AOPEP: variants seen among roughly 807,000 people sequenced by gnomAD.
AOPEP encodes aminopeptidase O (putative), also known as aminopeptidase O.
AOPEP carries 77 observed loss-of-function variants against 98.1 expected under a neutral mutation model. The observed-to-expected ratio is 0.78, with a 90% CI of 0.65 to 0.95. The LOEUF (loss-of-function observed/expected upper bound fraction) is 0.95. AOPEP is among the 40% of genes least tolerant of loss of function. AOPEP has a pLI of 0.00. For synonymous variants in AOPEP, 346 were observed against 365.3 expected (o/e 0.95, Z 0.60); for missense variants, 1,024 against 1,024.7 (o/e 1.00, Z 0.01).
At chr9:94,783,532 T>C (rs356143) in intron 3 of AOPEP, among the ~76,000 whole-genome samples, 33,202 of 151,988 alleles carry the variant, frequency 0.22, 5,106 homozygotes, top group African/African-American at 0.43. Context: ...CTTAGAAAAC[T>C]GGAAGGTGTA....
At chr9:95,144,137 G>A in the AOPEP span, among the ~76,000 whole-genome samples, 6 of 152,188 alleles carry the variant, frequency 3.9e-5, no homozygotes, top group African/African-American at 1.4e-4. Context: ...TCTGGGGAGG[G>A]GGGGCTGGGC....
chr9:94,731,374 T>C (rs7030617), intron 1 of AOPEP, among the ~76,000 whole-genome samples: 33,062 of 151,798 alleles, frequency 0.22, 5,073 homozygotes, highest in African/African-American at 0.43. Flanking sequence ...ACTACAGGCG[T>C]CCGCCACCAT....
intron 5 of AOPEP, among the ~76,000 whole-genome samples, chr9:94,894,292 A>G (rs538347547): frequency 1.3e-5 from 2 of 152,352 alleles, no homozygotes; most frequent in East Asian, 1.9e-4. Context: ...GCCAAAACCA[A>G]TAAAACAGAG....
intron 13 of AOPEP, among the ~76,000 whole-genome samples, chr9:95,041,921 C>G (rs1454799869): frequency 6.6e-6 from 1 of 152,116 alleles, no homozygotes; most frequent in Non-Finnish European, 1.5e-5. Flanking sequence ...CTGAAATCAT[C>G]TATAAAGCAG....
At chr9:95,110,539 A>C in the AOPEP span, 2 of 1,031,574 alleles carry the variant, frequency 1.9e-6, no homozygotes, top group Non-Finnish European at 1.2e-6. Flanking sequence ...TTTATTTCTG[A>C]TCCAAAATAA....
chr9:94,833,231 C>T (rs1160304053), intron 5 of AOPEP, among the ~76,000 whole-genome samples: 4 of 115,590 alleles, frequency 3.5e-5, no homozygotes, highest in Non-Finnish European at 6.9e-5. Flanking sequence ...CCACCACACC[C>T]GTCCTTTTTT....
At chr9:94,752,415 C>T (rs1359791349) in intron 1 of AOPEP, among the ~76,000 whole-genome samples, 1 of 152,026 alleles carries the variant, frequency 6.6e-6, no homozygotes, top group Admixed American at 6.6e-5. Context: ...GGAGAAAGAA[C>T]ACATACGTAT....
intron 5 of AOPEP, among the ~76,000 whole-genome samples, chr9:94,807,773 T>G (rs529772935): frequency 2.0e-5 from 3 of 152,368 alleles, no homozygotes; most frequent in African/African-American, 7.2e-5. Context: ...GCTTCTGTAC[T>G]GCTGATGTAT....
the AOPEP span, among the ~76,000 whole-genome samples, chr9:95,102,974 G>C: frequency 6.6e-6 from 1 of 152,226 alleles, no homozygotes; most frequent in African/African-American, 2.4e-5. Context: ...GCACGTGCCA[G>C]TGTGTCCCTG....
intron 3 of AOPEP, among the ~76,000 whole-genome samples, chr9:94,774,012 T>C (rs1841490565): frequency 1.3e-5 from 2 of 152,156 alleles, no homozygotes; most frequent in South Asian, 2.1e-4. Context: ...AAGTGATCTG[T>C]CTACCTCAGC....
rs140055479 is a variant in AOPEP at position 94,926,079 on chromosome 9, C to T, written c.1554+1904C>T. On this transcript the variant is annotated intron_variant, in intron 6 of 16. Coordinates refer to ENST00000375315, the MANE Select transcript of AOPEP (RefSeq NM_001193329.3). Reference sequence around the variant, plus strand: ...GCCTCCCTTCTGAGACTCTCAGATTCGCGCTGGTCCTGGCAGTTGTGGTGC... The same window carrying T: ...GCCTCCCTTCTGAGACTCTCAGATTTGCGCTGGTCCTGGCAGTTGTGGTGC... Among the ~76,000 whole-genome samples, 7 of 152,332 alleles carry T rather than the reference C, an allele frequency of 4.6e-5. No homozygotes were observed. The East Asian group carries it at 1.2e-3, about 25-fold the overall frequency.
intron 5 of AOPEP, among the ~76,000 whole-genome samples, chr9:94,863,072 T>C (rs2045252990): frequency 6.6e-6 from 1 of 152,196 alleles, no homozygotes; most frequent in African/African-American, 2.4e-5. Flanking sequence ...CTTGAAATAA[T>C]GACTTAGGTA....
chr9:94,775,249 T>C (rs933933767), intron 3 of AOPEP, among the ~76,000 whole-genome samples: 3 of 152,168 alleles, frequency 2.0e-5, no homozygotes, highest in Non-Finnish European at 4.4e-5. Flanking sequence ...CTAAACATTG[T>C]CTTTTTTTTT....
chr9:95,005,648 G>C (rs768136555), intron 13 of AOPEP, 32 bp downstream of exon 13: 1 of 1,588,058 alleles, frequency 6.3e-7, no homozygotes, highest in South Asian at 1.1e-5. Flanking sequence ...CTCGGTGCAG[G>C]TCTTGGTAAA....
At chr9:95,007,292 A>G (rs1210240741) in intron 13 of AOPEP, among the ~76,000 whole-genome samples, 2 of 151,492 alleles carry the variant, frequency 1.3e-5, no homozygotes, top group Admixed American at 1.3e-4. Context: ...GGATTACTAG[A>G]TGTTGTCACT....
At chr9:94,865,895 T>G (rs2045650125) in intron 5 of AOPEP, among the ~76,000 whole-genome samples, 1 of 152,176 alleles carries the variant, frequency 6.6e-6, no homozygotes, top group African/African-American at 2.4e-5. Flanking sequence ...ACCACCTTGA[T>G]AGCAGAAAGC....
At chr9:94,888,294 C>CGTGT (rs59342995) in intron 5 of AOPEP, among the ~76,000 whole-genome samples, 19,091 of 137,474 alleles carry the variant, frequency 0.14, 1,553 homozygotes, top group African/African-American at 0.2. Flanking sequence ...AGAACCTTAC[C>CGTGT]GTGTGTGTGT....
intron 16 of AOPEP, among the ~76,000 whole-genome samples, chr9:95,083,944 T>C (rs1473515365): frequency 6.6e-6 from 1 of 152,244 alleles, no homozygotes; most frequent in Non-Finnish European, 1.5e-5. Flanking sequence ...AGTTAGTTGC[T>C]CAGTATGGGT....
intron 5 of AOPEP, among the ~76,000 whole-genome samples, chr9:94,895,239 T>TA (rs60422899): frequency 0.15 from 17,931 of 116,096 alleles, 1,422 homozygotes; most frequent in South Asian, 0.32. Flanking sequence ...TAAAATAAAA[T>TA]AAAAAAAAAA....
Sources: allele counts gnomAD v4.1 joint callset (sites outside exome capture counted in the v4.1 genomes callset), GRCh38; gene constraint gnomAD v4.1.1; transcripts MANE v1.5; gene names NCBI Gene and HGNC (gene_info 2026-07-23, HGNC 2026-07-21).